The following SLC25A48 variants were observed in gnomAD, a reference collection of about 807,000 sequenced individuals.
SLC25A48 encodes solute carrier family 25 member 48.
A neutral mutation model predicts 32.2 loss-of-function variants in SLC25A48; 29 were observed. The ratio of observed to expected loss-of-function variants is 0.90; its 90% CI spans 0.67 to 1.23. The LOEUF is 1.23. Among genes scored for constraint, SLC25A48 ranks in the 50% most tolerant of loss-of-function variants. The pLI, the probability that SLC25A48 is intolerant of heterozygous loss-of-function variation, is 0.00. For synonymous variants in SLC25A48, 164 were observed against 172.3 expected, an observed-to-expected ratio of 0.95 and a Z score of 0.38; for missense variants, 399 against 422.7, an observed-to-expected ratio of 0.94 and a Z score of 0.49.
chr5:135,837,804 C>A (rs1263948910), intron 1 of SLC25A48, among the ~76,000 whole-genome samples: 1 of 152,168 alleles, frequency 6.6e-6, no homozygotes, highest in East Asian at 1.9e-4. Context: ...TCAATTAAAT[C>A]TCTTTCATTT....
intron 3 of SLC25A48, among the ~76,000 whole-genome samples, chr5:135,754,514 G>T (rs1189302446): frequency 3.3e-5 from 5 of 151,360 alleles, no homozygotes; most frequent in Non-Finnish European, 5.9e-5. Context: ...ATATCACTCT[G>T]ATATTAATAA....
chr5:135,676,065 A>C (rs920850650), intron 3 of SLC25A48, among the ~76,000 whole-genome samples: 2 of 152,010 alleles, frequency 1.3e-5, no homozygotes, highest in Admixed American at 6.6e-5. Flanking sequence ...ATATCCTGCA[A>C]CATTACTGAA....
intron 7 of SLC25A48, among the ~76,000 whole-genome samples, chr5:135,886,380 C>T (rs751156748): frequency 2.0e-5 from 3 of 149,528 alleles, no homozygotes; most frequent in Non-Finnish European, 4.4e-5. Flanking sequence ...TCAGGAGCAC[C>T]TGGGCTGCAA....
chr5:135,848,171 C>T (rs1406176668), intron 2 of SLC25A48, among the ~76,000 whole-genome samples: 1 of 152,150 alleles, frequency 6.6e-6, no homozygotes, highest in African/African-American at 2.4e-5. Flanking sequence ...ATTCTGTGAT[C>T]CAGGTTTGGC....
intron 3 of SLC25A48, among the ~76,000 whole-genome samples, chr5:135,749,295 A>C (rs1007596730): frequency 1.3e-4 from 20 of 151,460 alleles, no homozygotes; most frequent in Non-Finnish European, 2.4e-4. Flanking sequence ...ACAAAAAAAA[A>C]CCCCAAGAAA....
intron 4 of SLC25A48, among the ~76,000 whole-genome samples, chr5:135,814,230 C>T (rs1377333192): frequency 6.6e-6 from 1 of 152,170 alleles, no homozygotes; most frequent in Non-Finnish European, 1.5e-5. Flanking sequence ...CATGCTCCAT[C>T]CTTTGGCTGC....
intron 3 of SLC25A48, among the ~76,000 whole-genome samples, chr5:135,720,221 C>A (rs1399778529): frequency 1.3e-4 from 20 of 152,240 alleles, no homozygotes; most frequent in African/African-American, 4.8e-4. Flanking sequence ...CAGACCCATT[C>A]TTGGGTCCAG....
At chr5:135,678,708 A>G (rs151146485) in intron 3 of SLC25A48, among the ~76,000 whole-genome samples, 36 of 152,306 alleles carry the variant, frequency 2.4e-4, no homozygotes, top group African/African-American at 8.2e-4. Flanking sequence ...CTGAAGTAGT[A>G]TCCATGGTGC....
At chr5:135,738,327 C>T (rs562514818) in intron 3 of SLC25A48, among the ~76,000 whole-genome samples, 2 of 152,250 alleles carry the variant, frequency 1.3e-5, no homozygotes, top group African/African-American at 4.8e-5. Flanking sequence ...CCTATTACTA[C>T]CTCAAAATCT....
At chr5:135,775,135 ATTG>A (rs1166305965) in intron 3 of SLC25A48, among the ~76,000 whole-genome samples, 19 of 151,794 alleles carry the variant, frequency 1.3e-4, no homozygotes, top group Admixed American at 6.6e-5. Flanking sequence ...CATTTGTGAT[ATTG>A]TTTTTAATAT....
chr5:135,750,397 C>T (rs1201208115), intron 3 of SLC25A48, among the ~76,000 whole-genome samples: 1 of 152,188 alleles, frequency 6.6e-6, no homozygotes, highest in East Asian at 1.9e-4. Flanking sequence ...AATGGCCTCA[C>T]TCTCCCACTG....
At chr5:135,611,807 A>G (rs1197679131) in intron 1 of SLC25A48, among the ~76,000 whole-genome samples, 2 of 152,214 alleles carry the variant, frequency 1.3e-5, no homozygotes, top group South Asian at 2.1e-4. Flanking sequence ...AAAAGCAACA[A>G]TGTGATAAGA....
At chr5:135,636,947 G>C (rs1752719326) in intron 3 of SLC25A48, among the ~76,000 whole-genome samples, 1 of 151,942 alleles carries the variant, frequency 6.6e-6, no homozygotes, top group Non-Finnish European at 1.5e-5. Flanking sequence ...TGGTGCAGAG[G>C]GATAGAGAGG....
At chr5:135,806,383 T>C (rs891878136) in intron 3 of SLC25A48, among the ~76,000 whole-genome samples, 49 of 151,636 alleles carry the variant, frequency 3.2e-4, no homozygotes, top group African/African-American at 1.2e-3. Flanking sequence ...TCTTAGTGTG[T>C]TAATACTGAG....
intron 3 of SLC25A48, chr5:135,652,322 G>T (rs1377624297): frequency 4.4e-6 from 2 of 452,644 alleles, no homozygotes; most frequent in Admixed American, 4.7e-5. Context: ...TTGTCACCAT[G>T]AGAATAGATA....
chr5:135,768,621 G>C (rs1269111924), intron 3 of SLC25A48, among the ~76,000 whole-genome samples: 1 of 151,636 alleles, frequency 6.6e-6, no homozygotes, highest in African/African-American at 2.4e-5. Flanking sequence ...ATGTCGCAGG[G>C]ATTGTTGACC....
At chr5:135,700,340 C>G (rs1334437869) in intron 3 of SLC25A48, among the ~76,000 whole-genome samples, 1 of 120,012 alleles carries the variant, frequency 8.3e-6, no homozygotes, top group Non-Finnish European at 1.6e-5. Context: ...CCACTGCACT[C>G]TAGCCTGGGT....
chr5:135,858,828 A>G (rs190845276), intron 4 of SLC25A48, among the ~76,000 whole-genome samples: 22 of 152,348 alleles, frequency 1.4e-4, no homozygotes, highest in African/African-American at 5.3e-4. Context: ...AGTAATGGGC[A>G]CAGCTTGTGG....
intron 3 of SLC25A48, among the ~76,000 whole-genome samples, chr5:135,710,775 A>T (rs922783837): frequency 6.6e-6 from 1 of 152,248 alleles, no homozygotes; most frequent in Non-Finnish European, 1.5e-5. Flanking sequence ...GAAGCCTTTT[A>T]TCCAGGTGTT....
Sources: gnomAD v4.1 joint callset for allele counts (sites outside exome capture counted in the v4.1 genomes callset) on GRCh38, gnomAD v4.1.1 for gene constraint, MANE v1.5 for transcripts, NCBI Gene and HGNC (gene_info 2026-07-23, HGNC 2026-07-21) for gene names.